RALGPS2: variants seen among roughly 807,000 people sequenced by gnomAD.
RALGPS2 encodes ras-specific guanine nucleotide-releasing factor RalGPS2.
A neutral mutation model predicts 86.8 loss-of-function variants in RALGPS2; 43 were observed. That is an observed-to-expected ratio of 0.50 (90% CI 0.39 to 0.64). The LOEUF (loss-of-function observed/expected upper bound fraction) is 0.64. Ranked by LOEUF, RALGPS2 falls within the 30% of genes least tolerant of loss-of-function variation. The probability of loss-of-function intolerance (pLI) is 0.00; values close to 1 mark genes in which losing one functional copy is unlikely to be tolerated. For missense variants in RALGPS2, 536 were observed against 694.6 expected (o/e 0.77, Z 2.57); for synonymous variants, 243 against 231.3 (o/e 1.05, Z -0.46).
intron 8 of RALGPS2, among the ~76,000 whole-genome samples, chr1:178,839,927 G>T (rs1304070047): frequency 6.6e-6 from 1 of 152,134 alleles, no homozygotes; most frequent in East Asian, 1.9e-4. Context: ...ATGGTAAAGG[G>T]ATCAATTCAA....
intron 4 of RALGPS2, among the ~76,000 whole-genome samples, chr1:178,800,351 C>T (rs570002801): frequency 3.3e-5 from 5 of 152,106 alleles, no homozygotes; most frequent in Admixed American, 3.3e-4. Context: ...ACCTAAATTA[C>T]ATATGTTTTT....
chr1:178,852,863 C>T (rs767252550), intron 8 of RALGPS2: 1 of 1,613,892 alleles, frequency 6.2e-7, no homozygotes, highest in Non-Finnish European at 8.5e-7. Flanking sequence ...TCTTCTAATT[C>T]AATCAATAAC....
At chr1:178,895,395 A>G (rs1659895329) in intron 16 of RALGPS2, among the ~76,000 whole-genome samples, 2 of 152,106 alleles carry the variant, frequency 1.3e-5, no homozygotes, top group Non-Finnish European at 2.9e-5. Flanking sequence ...TGCTAGAAAT[A>G]GAGCAGTGAA....
chr1:178,734,908 G>T (rs187140417), intron 1 of RALGPS2, among the ~76,000 whole-genome samples: 89 of 152,238 alleles, frequency 5.8e-4, no homozygotes, highest in African/African-American at 2.1e-3. Context: ...TGGGATAGCA[G>T]ATCTTTTTTT....
intron 1 of RALGPS2, among the ~76,000 whole-genome samples, chr1:178,759,131 A>C (rs931388901): frequency 2.0e-5 from 3 of 152,064 alleles, no homozygotes; most frequent in Non-Finnish European, 4.4e-5. Flanking sequence ...GGTGTTATTC[A>C]ATAGATTTTC....
rs542765431 is a variant in RALGPS2 at position 178,915,379 on chromosome 1, G to T, written c.1723-951G>T. ...GCCTCCTGAGTAGCTGGGATTACAG[G>T]CACCCACCACAGGCCCAGCTAATTT... is the stretch of plus-strand genomic sequence containing the variant. On this transcript the variant is annotated intron_variant, in intron 19 of 19. Transcript: ENST00000367635. Among the ~76,000 whole-genome samples, 98 of 152,248 alleles carry T rather than the reference G, an allele frequency of 6.4e-4. 1 individual carries two copies. Among genetic ancestry groups the T allele is most frequent in the Admixed American group, 3.0e-3 (46 of 15,298 alleles).
chr1:178,880,694 C>A (rs1659207847), intron 10 of RALGPS2, among the ~76,000 whole-genome samples: 1 of 152,106 alleles, frequency 6.6e-6, no homozygotes, highest in South Asian at 2.1e-4. Flanking sequence ...AGCTATTAGT[C>A]ATTTATCTGG....
intron 6 of RALGPS2, among the ~76,000 whole-genome samples, chr1:178,814,273 A>G (rs1231271864): frequency 6.6e-6 from 1 of 152,218 alleles, no homozygotes; most frequent in East Asian, 1.9e-4. Flanking sequence ...CTATTTGTAT[A>G]TATCACAAAT....
At chr1:178,801,377 A>G (rs1165092610) in intron 4 of RALGPS2, among the ~76,000 whole-genome samples, 4 of 152,130 alleles carry the variant, frequency 2.6e-5, no homozygotes, top group African/African-American at 9.7e-5. Context: ...AGCAATAATA[A>G]TAATAATACT....
chr1:178,739,436 C>T (rs1255031955), intron 1 of RALGPS2, among the ~76,000 whole-genome samples: 1 of 152,150 alleles, frequency 6.6e-6, no homozygotes, highest in African/African-American at 2.4e-5. Context: ...AGAAGAGGCT[C>T]AGTGAGGACA....
intron 8 of RALGPS2, among the ~76,000 whole-genome samples, chr1:178,843,519 G>T: frequency 9.1e-6 from 1 of 109,950 alleles, no homozygotes; most frequent in Non-Finnish European, 1.8e-5. Flanking sequence ...GGGGGGAGGG[G>T]GGAGGGATAG....
At chr1:178,746,897 C>T in intron 1 of RALGPS2, 1 of 1,132,080 alleles carries the variant, frequency 8.8e-7, no homozygotes, top group Non-Finnish European at 1.3e-6. Flanking sequence ...TAGACCTATT[C>T]TGTTCCTATT....
At chr1:178,863,374 G>A (rs1276448726) in intron 8 of RALGPS2, among the ~76,000 whole-genome samples, 1 of 124,978 alleles carries the variant, frequency 8.0e-6, no homozygotes, top group East Asian at 2.0e-4. Flanking sequence ...ATTCAGACCA[G>A]CAAGGAGACA....
intron 18 of RALGPS2, among the ~76,000 whole-genome samples, chr1:178,905,431 T>G (rs1002566983): frequency 1.3e-5 from 2 of 152,326 alleles, no homozygotes; most frequent in Non-Finnish European, 2.9e-5. Flanking sequence ...CCAGCTTTAT[T>G]GTAGATATGG....
At chr1:178,811,207 T>C (rs1431956180) in intron 5 of RALGPS2, 108 bp from the exon 6 acceptor site, 3 of 677,626 alleles carry the variant, frequency 4.4e-6, no homozygotes, top group Non-Finnish European at 7.2e-6. Context: ...CCTTTAACAA[T>C]GTTTAATTTT....
chr1:178,728,804 G>A (rs1263778336), intron 1 of RALGPS2, among the ~76,000 whole-genome samples: 1 of 151,996 alleles, frequency 6.6e-6, no homozygotes, highest in African/African-American at 2.4e-5. Flanking sequence ...AATGTCTTGA[G>A]CTTTTGATTT....
chr1:178,755,482 T>C (rs1473921386), intron 1 of RALGPS2, among the ~76,000 whole-genome samples: 1 of 152,232 alleles, frequency 6.6e-6, no homozygotes, highest in Non-Finnish European at 1.5e-5. Flanking sequence ...GATAATGGCC[T>C]CTAGCTGCAT....
At chr1:178,786,793 A>G (rs1230339203) in intron 4 of RALGPS2, among the ~76,000 whole-genome samples, 2 of 152,084 alleles carry the variant, frequency 1.3e-5, no homozygotes, top group African/African-American at 4.8e-5. Context: ...ATTGTGCTAT[A>G]TACAAGTCTG....
chr1:178,871,304 C>T (rs949343436), intron 8 of RALGPS2, among the ~76,000 whole-genome samples: 66 of 151,858 alleles, frequency 4.3e-4, no homozygotes, highest in Non-Finnish European at 5.4e-4. Context: ...CATAGTTCAG[C>T]GGGCAATTAT....
Sources: allele counts gnomAD v4.1 joint callset (sites outside exome capture counted in the v4.1 genomes callset), GRCh38; gene constraint gnomAD v4.1.1; transcripts MANE v1.5; gene names NCBI Gene and HGNC (gene_info 2026-07-23, HGNC 2026-07-21).